MTFR1: variants seen among roughly 807,000 people sequenced by gnomAD.
The protein encoded by MTFR1 is chondrocyte protein with a poly-proline region.
Under a neutral mutation model 38.8 loss-of-function variants are expected in MTFR1, and 28 were observed. The ratio of observed to expected loss-of-function variants is 0.72; its 90% confidence interval spans 0.53 to 0.99. The LOEUF (loss-of-function observed/expected upper bound fraction) is 0.99, where lower values mean the gene tolerates loss of function less well. MTFR1 is among the 50% of genes least tolerant of loss of function. The probability of loss-of-function intolerance (pLI) is 0.00; values close to 1 mark genes in which losing one functional copy is unlikely to be tolerated. For missense variants in MTFR1, 358 were observed against 395.5 expected (o/e 0.91, Z 0.81); for synonymous variants, 145 against 137.0 (o/e 1.06, Z -0.41).
chr8:65,770,149 G>A (rs1375023373), intron 3 of MTFR1, among the ~76,000 whole-genome samples: 1 of 149,622 alleles, frequency 6.7e-6, no homozygotes, highest in Non-Finnish European at 1.5e-5. Flanking sequence ...GTGTGTGTGT[G>A]TGTGTGTGTG....
At chr8:65,765,350 G>A (rs967992562) in intron 3 of MTFR1, among the ~76,000 whole-genome samples, 38 of 150,144 alleles carry the variant, frequency 2.5e-4, no homozygotes, top group Admixed American at 5.9e-4. Context: ...TTAGCCGGGC[G>A]TAGTGGCGGG....
At position 65,680,899 on chromosome 8, in the gene MTFR1, C is replaced by CTTT. The variant is rs1199113408; in HGVS notation, c.67-1432_67-1430dup. On this transcript the variant is annotated intron_variant, in intron 2 of 7. Coordinates refer to ENST00000262146, the MANE Select transcript of MTFR1 (RefSeq NM_014637.4). The stretch of plus-strand genomic sequence containing the variant: ...CCGCTTCCTGGGTTCAAGCAGTTCT[C>CTTT]TTTTTTTTTTTTTTTTTTTTTTTTG... Among the ~76,000 whole-genome samples the CTTT allele has an allele frequency of 7.1e-3, 669 of 93,592 alleles. 5 individuals are homozygous for CTTT. The highest frequency in any genetic ancestry group is 0.033 in the East Asian group (91 of 2,748). The allele number at this position is 93,592 out of a possible 152,430, so 61.4% of individuals were successfully genotyped here.
intron 3 of MTFR1, among the ~76,000 whole-genome samples, chr8:65,691,066 T>C (rs749813143): frequency 3.2e-4 from 48 of 152,158 alleles, no homozygotes; most frequent in Non-Finnish European, 6.5e-4. Context: ...GAGATACCCA[T>C]TTGCTGAATA....
chr8:65,684,712 C>A (rs889747696), intron 3 of MTFR1, among the ~76,000 whole-genome samples: 8 of 151,398 alleles, frequency 5.3e-5, no homozygotes, highest in Non-Finnish European at 1.2e-4. Flanking sequence ...AATTCAACAT[C>A]GGTGTTAAAG....
In MTFR1 at chr8:65,709,343, A is replaced by G. The variant is rs534805902; in HGVS notation, c.*299A>G. The G allele has an allele frequency of 3.4e-6, 1 of 290,478 alleles. No homozygotes were observed. Among genetic ancestry groups the G allele is most frequent in the South Asian group, 8.2e-5 (1 of 12,162 alleles). The allele number at this position is 290,478 out of a possible 1,614,324, so 18.0% of individuals were successfully genotyped here. A position where few individuals can be genotyped will look rare whatever the true frequency, so the allele number is the denominator to read the frequency against. The stretch of plus-strand genomic sequence containing the variant: ...ATAGATTTCACAACACAAAAAGGAC[A>G]TTTGTGGATGTTACTGCACATTTTA... On this transcript the variant is annotated 3_prime_UTR_variant, in exon 8 of 8. Coordinates refer to ENST00000262146, the MANE Select transcript of MTFR1 (RefSeq NM_014637.4).
chr8:65,662,944 C>G (rs1030800951), intron 1 of MTFR1, among the ~76,000 whole-genome samples: 1 of 148,044 alleles, frequency 6.8e-6, no homozygotes, highest in Non-Finnish European at 1.5e-5. Flanking sequence ...CCACCCCGTC[C>G]GGGAGATGAG....
At chr8:65,767,929 G>A (rs557913006) in intron 3 of MTFR1, among the ~76,000 whole-genome samples, 1 of 152,350 alleles carries the variant, frequency 6.6e-6, no homozygotes, top group Admixed American at 6.5e-5. Context: ...TCGGTCAGAA[G>A]TTCCAGAGGC....
Position 65,682,338 on chromosome 8 carries a change from T to A in MTFR1, c.67-15T>A. On this transcript the variant is annotated splice_polypyrimidine_tract_variant and intron_variant, in intron 2 of 7. Transcript: ENST00000262146. ...CATCTTGTAATTAAGCTTTCGGTTT[T>A]TCCTACTTCCTCAGGTACTTTGGTC... The A allele has an allele frequency of 6.9e-7, 1 of 1,451,448 alleles. No individual in the cohort carries two copies. Among genetic ancestry groups the A allele is most frequent in the Non-Finnish European group, 9.4e-7 (1 of 1,067,348 alleles). 89.9% of individuals were successfully genotyped at this position (1,451,448 alleles called of 1,614,324 possible).
At chr8:65,667,014 C>T (rs1363628393) in intron 1 of MTFR1, among the ~76,000 whole-genome samples, 1 of 152,120 alleles carries the variant, frequency 6.6e-6, no homozygotes. Flanking sequence ...GTGGCTCACA[C>T]CTTAATCCCA....
intron 2 of MTFR1, among the ~76,000 whole-genome samples, chr8:65,670,844 A>C (rs1289887977): frequency 6.6e-6 from 1 of 151,876 alleles, no homozygotes; most frequent in Non-Finnish European, 1.5e-5. Context: ...AGCTGGGATT[A>C]CAGGCTCACA....
Position 65,770,119 on chromosome 8 carries a change from TTC to T in MTFR1, c.*49-826_*49-825del, listed in dbSNP as rs1164434335. Among the ~76,000 whole-genome samples, 3 of 120,624 alleles carry T rather than the reference TTC, an allele frequency of 2.5e-5. No homozygotes were observed. In the East Asian group the frequency reaches 8.0e-4, roughly 32 times the overall value. The allele number at this position is 120,624 out of a possible 152,430, so 79.1% of individuals were successfully genotyped here. A position where few individuals can be genotyped will look rare whatever the true frequency, so the allele number is the denominator to read the frequency against. On this transcript the variant is annotated intron_variant, in intron 3 of 3. Coordinates refer to the MTFR1 transcript ENST00000521247. Reference sequence around the variant, plus strand: ...ATTTGTCTTATTACTTGCAGTATACTTCTGTGTGTGTGTGTGTGTGTGTGTGT... The same window carrying T: ...ATTTGTCTTATTACTTGCAGTATACTTGTGTGTGTGTGTGTGTGTGTGTGT...
intron 3 of MTFR1, 29 bp downstream of exon 3, chr8:65,682,480 T>C: frequency 8.7e-7 from 1 of 1,148,318 alleles, no homozygotes; most frequent in Non-Finnish European, 1.2e-6. Context: ...TTTAAGTATT[T>C]TATTAATATG....
intron 1 of MTFR1, among the ~76,000 whole-genome samples, chr8:65,664,111 C>T (rs184095918): frequency 6.6e-6 from 1 of 152,172 alleles, no homozygotes; most frequent in African/African-American, 2.4e-5. Flanking sequence ...CCATTGCACC[C>T]GGCCATGTTA....
At chr8:65,708,912 TG>T in intron 7 of MTFR1, 63 bp from the exon 8 acceptor site, 2 of 1,486,210 alleles carry the variant, frequency 1.3e-6, no homozygotes, top group Non-Finnish European at 1.9e-6. Context: ...GATTGGGAGG[TG>T]GGGGCGTATC....
chr8:65,662,014 T>TCTCTCC (rs1563435611), intron 1 of MTFR1, among the ~76,000 whole-genome samples: 2 of 136,540 alleles, frequency 1.5e-5, no homozygotes, highest in African/African-American at 5.5e-5. Flanking sequence ...TCTCCCTCTC[T>TCTCTCC]CTCTCCCTCT....
chr8:65,771,884 C>CAAAA (rs36101490), downstream of MTFR1, among the ~76,000 whole-genome samples: 79 of 55,498 alleles, frequency 1.4e-3, no homozygotes, highest in African/African-American at 2.0e-3. Context: ...CTCCATCTCT[C>CAAAA]AAAAAAAAAA....
At chr8:65,669,655 G>A (rs753992396) in intron 1 of MTFR1, among the ~76,000 whole-genome samples, 13 of 151,842 alleles carry the variant, frequency 8.6e-5, no homozygotes, top group Admixed American at 8.5e-4. Context: ...GGGTTCAAGC[G>A]ATTCTCCTGC....
chr8:65,731,628 C>T (rs972843344), intron 3 of MTFR1: 1 of 152,104 alleles, frequency 6.6e-6, no homozygotes, highest in Non-Finnish European at 1.5e-5. Flanking sequence ...CACATGAGTT[C>T]AGCCTTGAGG....
At chr8:65,725,430 C>T (rs1256525827) in intron 3 of MTFR1, 1 of 154,482 alleles carries the variant, frequency 6.5e-6, no homozygotes, top group Non-Finnish European at 1.5e-5. Context: ...CCCTGAGCAA[C>T]TTAATAACTG....
Sources: gnomAD v4.1 joint callset for allele counts (sites outside exome capture counted in the v4.1 genomes callset) on GRCh38, gnomAD v4.1.1 for gene constraint, MANE v1.5 for transcripts, NCBI Gene and HGNC (gene_info 2026-07-23, HGNC 2026-07-21) for gene names.